Variants in GRIPAP1 observed in about 807,000 individuals in gnomAD.
GRIPAP1 encodes the protein GRIP1-associated protein 1.
A neutral mutation model predicts 84.1 loss-of-function variants in GRIPAP1; 14 were observed. The observed-to-expected ratio is 0.17, with a 90% confidence interval of 0.11 to 0.26. The LOEUF is 0.26. Ranked by LOEUF, GRIPAP1 falls within the 10% of genes least tolerant of loss-of-function variation. The pLI is 1.00. For missense variants in GRIPAP1, 518 were observed against 674.2 expected (o/e 0.77, Z 2.57); for synonymous variants, 261 against 256.8 (o/e 1.02, Z -0.15).
chrX:48,990,917 C>A lies in GRIPAP1; in HGVS notation c.642+9G>T, dbSNP rs782419369. On this transcript the variant is annotated intron_variant, in intron 7 of 25. Coordinates refer to ENST00000376423, the MANE Select transcript of GRIPAP1 (RefSeq NM_020137.5). ...TCTGGCATTCCAGCTCCAACAGACT[C>A]AGATTCACCTCTAAGCCTTGCAGCT... 5 of 1,140,639 alleles carry A rather than the reference C, an allele frequency of 4.4e-6. No individual in the cohort carries two copies. In the Middle Eastern group the frequency reaches 1.2e-3, roughly 282 times the overall value. The allele number at this position is 1,140,639 out of a possible 1,213,427, so 94.0% of individuals were successfully genotyped here.
chrX:48,993,346 T>C, intron 6 of GRIPAP1, 82 bp downstream of exon 6: 1 of 915,696 alleles, frequency 1.1e-6, no homozygotes, highest in Non-Finnish European at 1.5e-6. Flanking sequence ...GAAGCCCTTC[T>C]CCTTCCCCTG....
At chrX:48,983,133 A>G (rs1557062671) in intron 16 of GRIPAP1, 41 bp from the exon 17 acceptor site, 1 of 1,119,071 alleles carries the variant, frequency 8.9e-7, no homozygotes, top group Admixed American at 2.2e-5. Context: ...AAGGCAGAGG[A>G]GCGGGCACCT....
chrX:48,985,739 A>G (rs975184955), intron 13 of GRIPAP1, among the ~76,000 whole-genome samples: 3 of 111,110 alleles, frequency 2.7e-5, no homozygotes, highest in Admixed American at 9.6e-5. Context: ...TAGAGATCAG[A>G]ATAATGGTTA....
Position 49,002,172 on chromosome X carries a change from C to A in GRIPAP1, c.42+16G>T. ...CGGTCGCCTAGCCGGGTGGTCTTTC[C>A]CACCGCGAGCGGCACCTGCATCCGC... On this transcript the variant is annotated intron_variant, in intron 1 of 25. Coordinates refer to ENST00000376423, the MANE Select transcript of GRIPAP1 (RefSeq NM_020137.5). 1 of 1,149,046 alleles carries A rather than the reference C, an allele frequency of 8.7e-7. No individual in the cohort carries two copies. Among genetic ancestry groups the A allele is most frequent in the Admixed American group, 2.3e-5 (1 of 44,316 alleles). 94.7% of individuals were successfully genotyped at this position (1,149,046 alleles called of 1,213,427 possible). A position where few individuals can be genotyped will look rare whatever the true frequency, so the allele number is the denominator to read the frequency against.
intron 6 of GRIPAP1, among the ~76,000 whole-genome samples, chrX:48,992,584 G>A (rs918987979): frequency 9.0e-6 from 1 of 111,724 alleles, no homozygotes; most frequent in Non-Finnish European, 1.9e-5. Flanking sequence ...TGCTACCACT[G>A]ACTTACAGCT....
intron 5 of GRIPAP1, among the ~76,000 whole-genome samples, chrX:48,993,812 T>A (rs1557066166): frequency 9.0e-6 from 1 of 111,531 alleles, no homozygotes; most frequent in Non-Finnish European, 1.9e-5. Flanking sequence ...GCATACCAAG[T>A]ATGAGGACAC....
At chrX:48,982,686 C>T (rs1342046442) in intron 17 of GRIPAP1, among the ~76,000 whole-genome samples, 5 of 112,534 alleles carry the variant, frequency 4.4e-5, no homozygotes, top group African/African-American at 1.6e-4. Context: ...GGTTCTTGTT[C>T]AATAACATCA....
Position 48,998,157 on chromosome X carries a change from A to G in GRIPAP1, c.195T>C (p.Ala65=), listed in dbSNP as rs1557067354. ...CACCCACAAGGGATCCCCTTACCTG[A>G]GCTTTCTTGCTCTTGCTCAGTGCCT... ...AQKALSKSKK[A]QEVEVLLSEN... Residue 65 remains alanine (A), a synonymous_variant, in exon 4 of 26, where the codon GCT becomes GCC. Transcript: ENST00000376423. 1.7e-6 allele frequency: 2 copies of G among 1,197,642 alleles called. No individual in the cohort carries two copies. The highest frequency in any genetic ancestry group is 1.8e-5 in the South Asian group (1 of 56,496).
intron 8 of GRIPAP1, 85 bp downstream of exon 8, chrX:48,990,600 G>T: frequency 1.3e-6 from 1 of 741,663 alleles, no homozygotes; most frequent in African/African-American, 2.1e-5. Flanking sequence ...GGGGTACAAT[G>T]CCCCTTCTGC....
At chrX:48,982,775 C>A (rs1557062576) in intron 17 of GRIPAP1, among the ~76,000 whole-genome samples, 1 of 112,562 alleles carries the variant, frequency 8.9e-6, no homozygotes, top group Non-Finnish European at 1.9e-5. Context: ...AAAGGCAGGG[C>A]AGCCTTAACA....
At chrX:48,987,146 C>CTTTTT (rs1180847647) in intron 13 of GRIPAP1, among the ~76,000 whole-genome samples, 1 of 72,559 alleles carries the variant, frequency 1.4e-5, no homozygotes, top group Non-Finnish European at 2.6e-5. Context: ...CCATGCCCGG[C>CTTTTT]TTTTTTTTTT....
chrX:48,997,510 G>T (rs2064554005), intron 4 of GRIPAP1, 153 bp from the exon 5 acceptor site: 1 of 440,322 alleles, frequency 2.3e-6, no homozygotes, highest in African/African-American at 2.4e-5. Context: ...CATGGGGAGG[G>T]ATAAAATGAG....
chrX:48,993,603 G>C lies in GRIPAP1; in HGVS notation c.307-25C>G, dbSNP rs373048957. 3.5e-5 allele frequency: 38 copies of C among 1,075,703 alleles called. No individual in the cohort carries two copies. In the East Asian group the frequency reaches 1.0e-3, roughly 28 times the overall value. 88.6% of individuals were successfully genotyped at this position (1,075,703 alleles called of 1,213,427 possible). On this transcript the variant is annotated intron_variant, in intron 5 of 25. Transcript: ENST00000376423. ...GCTGAACAGAGGAAGAGAAGGGGCAGAGAAGCAGAGAATCAGAGCAGTATT... is the reference window on the plus strand; with the variant it reads ...GCTGAACAGAGGAAGAGAAGGGGCACAGAAGCAGAGAATCAGAGCAGTATT...
chrX:48,993,102 G>A (rs950409749), intron 6 of GRIPAP1, among the ~76,000 whole-genome samples: 9 of 112,198 alleles, frequency 8.0e-5, no homozygotes, highest in Admixed American at 3.8e-4. Flanking sequence ...TTACAGGCGT[G>A]AGCCACCGCG....
At chrX:48,978,611 A>G (rs1407084388) in intron 21 of GRIPAP1, among the ~76,000 whole-genome samples, 176 bp from the exon 22 acceptor site, 2 of 111,168 alleles carry the variant, frequency 1.8e-5, no homozygotes, top group East Asian at 5.7e-4. Context: ...AAAAGAGCTG[A>G]GGCTGGGCGC....
In GRIPAP1 at chrX:48,997,102, C is replaced by T. The variant is rs782637707; in HGVS notation, c.306+148G>A. The T allele has an allele frequency of 1.4e-3, 636 of 442,720 alleles. 9 individuals carry two copies. The South Asian group carries it at 0.021, about 15-fold the overall frequency. 36.5% of individuals were successfully genotyped at this position (442,720 alleles called of 1,213,427 possible). On this transcript the variant is annotated intron_variant, in intron 5 of 25. Transcript: ENST00000376423. The stretch of plus-strand genomic sequence containing the variant: ...AGCGGCCCCATCTGTCAAATTACTG[C>T]CCCCCAGCAGCAATCCAGGACCTGT...
chrX:48,988,151 A>G lies in GRIPAP1; in HGVS notation c.918T>C (p.His306=), dbSNP rs2064502143. Residue 306 remains histidine (H), a synonymous_variant, in exon 12 of 26, where the codon CAT becomes CAC. Coordinates refer to ENST00000376423, the MANE Select transcript of GRIPAP1 (RefSeq NM_020137.5). The part of the protein sequence containing the change: ...RDQRQGERLE[H]AAALRALQDQ... The stretch of plus-strand genomic sequence containing the variant: ...CTTGTAGGGCCCGCAAAGCTGCTGC[A>G]TGTTCCAGGCGCTCCCCCTGCCGCT... 5 of 1,201,139 alleles carry G rather than the reference A, an allele frequency of 4.2e-6. No individual in the cohort carries two copies. Among genetic ancestry groups the G allele is most frequent in the Non-Finnish European group, 5.6e-6 (5 of 890,415 alleles).
intron 25 of GRIPAP1, 40 bp downstream of exon 25, chrX:48,975,115 G>T (rs1322315402): frequency 5.9e-6 from 7 of 1,181,247 alleles, no homozygotes; most frequent in Non-Finnish European, 8.0e-6. Context: ...TAGGCAGGTG[G>T]CTGGGTGAAC....
chrX:49,000,364 CAAAAAAAAAAAAA>C (rs1156902802), intron 1 of GRIPAP1, among the ~76,000 whole-genome samples: 6 of 22,231 alleles, frequency 2.7e-4, no homozygotes, highest in African/African-American at 1.5e-3. Flanking sequence ...GACTCTGTCT[CAAAAAAAAAAAAA>C]AAAAAAAAAA....
Sources: gnomAD v4.1 joint callset for allele counts (sites outside exome capture counted in the v4.1 genomes callset) on GRCh38, gnomAD v4.1.1 for gene constraint, MANE v1.5 for transcripts, NCBI Gene and HGNC (gene_info 2026-07-23, HGNC 2026-07-21) for gene names.